The following PPP6R3 variants were observed in gnomAD, a reference collection of about 807,000 sequenced individuals.
The protein encoded by PPP6R3 is serine/threonine-protein phosphatase 6 regulatory subunit 3.
In PPP6R3, 38 loss-of-function variants were observed where a neutral mutation model predicts 110.7. That is an observed-to-expected ratio of 0.34 (90% confidence interval 0.26 to 0.45). The LOEUF is 0.45. Among genes scored for constraint, PPP6R3 ranks in the 20% least tolerant of loss-of-function variants. The pLI, the probability that PPP6R3 is intolerant of heterozygous loss-of-function variation, is 1.00. For missense variants in PPP6R3, 870 were observed against 1,062.4 expected (o/e 0.82, Z 2.52); for synonymous variants, 369 against 373.5 (o/e 0.99, Z 0.14).
chr11:68,573,141 T>A (rs1390208761), intron 12 of PPP6R3, among the ~76,000 whole-genome samples: 1 of 117,556 alleles, frequency 8.5e-6, no homozygotes, highest in Admixed American at 9.0e-5. Context: ...TATATATATA[T>A]ATATATATAT....
intron 9 of PPP6R3, 57 bp from the exon 10 acceptor site, chr11:68,566,957 A>T (rs928874982): frequency 1.4e-6 from 2 of 1,439,874 alleles, no homozygotes; most frequent in Middle Eastern, 1.8e-4. Flanking sequence ...CTTAGCAAAT[A>T]CACCATTTGC....
At chr11:68,474,746 A>G (rs980510636) in intron 1 of PPP6R3, among the ~76,000 whole-genome samples, 1 of 152,044 alleles carries the variant, frequency 6.6e-6, no homozygotes, top group Non-Finnish European at 1.5e-5. Context: ...TATTTATAGG[A>G]TTATTAAAAT....
At chr11:68,543,933 A>G (rs760510594) in intron 3 of PPP6R3, among the ~76,000 whole-genome samples, 8 of 152,158 alleles carry the variant, frequency 5.3e-5, no homozygotes, top group Non-Finnish European at 7.4e-5. Flanking sequence ...TTCTAAAGCC[A>G]TGGGGTCTGT....
At chr11:68,603,985 A>T (rs1208515901) in intron 22 of PPP6R3, among the ~76,000 whole-genome samples, 1 of 152,264 alleles carries the variant, frequency 6.6e-6, no homozygotes, top group African/African-American at 2.4e-5. Context: ...ATTGTAATGG[A>T]TATTAAAAAC....
intron 1 of PPP6R3, among the ~76,000 whole-genome samples, chr11:68,482,053 C>T (rs1004821816): frequency 5.9e-5 from 9 of 151,884 alleles, no homozygotes; most frequent in African/African-American, 1.9e-4. Context: ...TTCTAAGCTC[C>T]AGTTTCTTCA....
intron 12 of PPP6R3, 48 bp downstream of exon 12, chr11:68,571,152 G>T: frequency 6.4e-7 from 1 of 1,566,152 alleles, no homozygotes; most frequent in South Asian, 1.2e-5. Flanking sequence ...TTGGTAATAT[G>T]AGGAAAATAA....
intron 7 of PPP6R3, among the ~76,000 whole-genome samples, chr11:68,556,154 A>G (rs1278081527): frequency 1.3e-5 from 2 of 152,246 alleles, no homozygotes; most frequent in Non-Finnish European, 2.9e-5. Flanking sequence ...CGAGCTCTAT[A>G]TTATGATGCC....
At chr11:68,515,882 A>T (rs980233915) in intron 1 of PPP6R3, among the ~76,000 whole-genome samples, 1 of 152,158 alleles carries the variant, frequency 6.6e-6, no homozygotes, top group African/African-American at 2.4e-5. Context: ...CCCCATTATC[A>T]TTTTTTTATT....
chr11:68,544,042 C>CTTTGTGTCTGTGCTGATATCCT (rs1357350122), intron 3 of PPP6R3, among the ~76,000 whole-genome samples: 1 of 152,128 alleles, frequency 6.6e-6, no homozygotes, highest in African/African-American at 2.4e-5. Flanking sequence ...GGTGGGCTGA[C>CTTTGTGTCTGTGCTGATATCCT]TTTGTGTCTG....
intron 1 of PPP6R3, among the ~76,000 whole-genome samples, chr11:68,516,156 T>C (rs114296808): frequency 5.9e-4 from 90 of 152,330 alleles, no homozygotes; most frequent in African/African-American, 2.1e-3. Context: ...GTAGCGTATA[T>C]CAGAATTTCC....
intron 1 of PPP6R3, among the ~76,000 whole-genome samples, chr11:68,506,210 A>C (rs901249956): frequency 6.6e-6 from 1 of 150,868 alleles, no homozygotes; most frequent in African/African-American, 2.4e-5. Context: ...TGCTCAAGCA[A>C]TTTTCTTACC....
chr11:68,613,026 C>A, intron 23 of PPP6R3, 40 bp from the exon 24 acceptor site: 1 of 1,613,944 alleles, frequency 6.2e-7, no homozygotes, highest in Non-Finnish European at 8.5e-7. Flanking sequence ...TTTCATATTT[C>A]TGCTGCAAGT....
chr11:68,583,175 T>G, intron 15 of PPP6R3, 46 bp downstream of exon 15: 2 of 1,369,984 alleles, frequency 1.5e-6, no homozygotes, highest in Non-Finnish European at 2.0e-6. Context: ...TTTTAAATGC[T>G]TAGTTTAGTT....
chr11:68,579,448 G>A (rs987849132), intron 14 of PPP6R3, among the ~76,000 whole-genome samples: 6 of 152,142 alleles, frequency 3.9e-5, no homozygotes, highest in African/African-American at 1.2e-4. Context: ...CTTTACTTAC[G>A]GTATATCTAG....
chr11:68,466,235 A>G (rs1037326498), intron 1 of PPP6R3, among the ~76,000 whole-genome samples: 1 of 151,988 alleles, frequency 6.6e-6, no homozygotes, highest in Non-Finnish European at 1.5e-5. Flanking sequence ...CCCCTTTCCT[A>G]CTTCTCACCC....
At position 68,575,970 on chromosome 11, in the gene PPP6R3, A is replaced by C; in HGVS notation, c.1472A>C (p.Glu491Ala). The change falls in exon 14 of 24, where the codon GAA (glutamate) becomes GCA (alanine). Residue 491 changes from glutamate (E) to alanine (A), a missense_variant. Coordinates refer to ENST00000393800, the MANE Select transcript of PPP6R3 (RefSeq NM_001164161.2). ...TCTCACTCTGAAGATCTTCCCGACG[A>C]AGTCAGGGAACGATGGGAGACGTTC... is the stretch of plus-strand genomic sequence containing the variant. Reference protein sequence around the residue: ...VQQLIKDLPDEVRERWETFCT... With the variant: ...VQQLIKDLPDAVRERWETFCT... 6.2e-7 allele frequency: 1 copy of C among 1,610,632 alleles called. No individual in the cohort carries two copies. Among genetic ancestry groups the C allele is most frequent in the Non-Finnish European group, 8.5e-7 (1 of 1,177,508 alleles).
intron 1 of PPP6R3, among the ~76,000 whole-genome samples, chr11:68,511,670 G>T (rs747622438): frequency 2.2e-4 from 34 of 151,670 alleles, no homozygotes; most frequent in Non-Finnish European, 4.3e-4. Flanking sequence ...TAGCAGAGAC[G>T]GGGTTTCGCC....
At chr11:68,499,246 T>C (rs2099035420) in intron 1 of PPP6R3, among the ~76,000 whole-genome samples, 1 of 152,174 alleles carries the variant, frequency 6.6e-6, no homozygotes, top group Non-Finnish European at 1.5e-5. Flanking sequence ...AGTGGCATGG[T>C]TGTCTGCTTC....
In PPP6R3 at chr11:68,610,135, G is replaced by A. The variant is rs950555466; in HGVS notation, c.2570+112G>A. ...CGTTTACAGCTGTGCTCAAGTCTTAGGCCGCTGACCTGGCAGGACAGGGTT... is the reference window on the plus strand; with the variant it reads ...CGTTTACAGCTGTGCTCAAGTCTTAAGCCGCTGACCTGGCAGGACAGGGTT... On this transcript the variant is annotated intron_variant, in intron 23 of 23. Transcript: ENST00000393800. The A allele has an allele frequency of 5.7e-6, 8 of 1,410,728 alleles. No homozygotes were observed. In the African/African-American group the frequency reaches 8.6e-5, roughly 15 times the overall value. The allele number at this position is 1,410,728 out of a possible 1,614,324, so 87.4% of individuals were successfully genotyped here. A position where few individuals can be genotyped will look rare whatever the true frequency, so the allele number is the denominator to read the frequency against.
Sources: allele counts gnomAD v4.1 joint callset (sites outside exome capture counted in the v4.1 genomes callset), GRCh38; gene constraint gnomAD v4.1.1; transcripts MANE v1.5; gene names NCBI Gene and HGNC (gene_info 2026-07-23, HGNC 2026-07-21).